Variants in PHACTR2 observed in about 807,000 individuals in gnomAD.
PHACTR2 encodes the protein phosphatase and actin regulator 2, also known as chromosome 6 open reading frame 56.
PHACTR2 carries 30 observed loss-of-function variants against 76.0 expected under a neutral mutation model. The ratio of observed to expected loss-of-function variants is 0.39; its 90% CI spans 0.30 to 0.54. The LOEUF is 0.54. Ranked by LOEUF, PHACTR2 falls within the 20% of genes least tolerant of loss-of-function variation. The pLI, the probability that PHACTR2 is intolerant of heterozygous loss-of-function variation, is 0.61. For missense variants in PHACTR2, 696 were observed against 781.1 expected (o/e 0.89, Z 1.30); for synonymous variants, 292 against 292.5 (o/e 1.00, Z 0.02).
In PHACTR2 at chr6:143,708,716, T is replaced by C. The variant is rs78259753; in HGVS notation, c.47-3300T>C. 6.6e-6 allele frequency among the ~76,000 whole-genome samples: 1 copy of C among 152,370 alleles called. No individual in the cohort carries two copies. Among genetic ancestry groups the C allele is most frequent in the East Asian group, 1.9e-4 (1 of 5,192 alleles). ...AAGCAGATGACAGTGGTCCTCACAT[T>C]CATGATTTAAGAGAAGTACAATGGC... On this transcript the variant is annotated intron_variant, in intron 1 of 12. Coordinates refer to ENST00000440869, the MANE Select transcript of PHACTR2 (RefSeq NM_001100164.2). This position sits in a 1 kb window ranked among gnomAD's most constrained non-coding sequence, Gnocchi z 5.5.
intron 1 of PHACTR2, among the ~76,000 whole-genome samples, chr6:143,704,276 A>G (rs973777444): frequency 6.6e-6 from 1 of 152,210 alleles, no homozygotes; most frequent in Admixed American, 6.5e-5. Flanking sequence ...CATGTGCTAA[A>G]AAGTGTTGAA....
At chr6:143,814,757 T>C (rs928478762) in intron 12 of PHACTR2, among the ~76,000 whole-genome samples, 67 of 151,952 alleles carry the variant, frequency 4.4e-4, no homozygotes, top group African/African-American at 1.6e-3. Context: ...CGCCCACCAC[T>C]ACGCCTGGCT....
In PHACTR2 at chr6:143,765,186, A is replaced by C; in HGVS notation, c.695-75A>C. On this transcript the variant is annotated intron_variant, in intron 5 of 12. Coordinates refer to ENST00000440869, the MANE Select transcript of PHACTR2 (RefSeq NM_001100164.2). The surrounding 1 kb of genome is among the most constrained non-coding windows in gnomAD (Gnocchi z 4.1). ...AGGGAACATTTTAAATGTTGTTGACAGTTACACCTTGGTTACTTTATTTTA... is the reference window on the plus strand; with the variant it reads ...AGGGAACATTTTAAATGTTGTTGACCGTTACACCTTGGTTACTTTATTTTA... 8.9e-7 allele frequency: 1 copy of C among 1,120,014 alleles called. No individual in the cohort carries two copies. The highest frequency in any genetic ancestry group is 1.5e-5 in the South Asian group (1 of 67,192). The allele number at this position is 1,120,014 out of a possible 1,614,324, so 69.4% of individuals were successfully genotyped here. A position where few individuals can be genotyped will look rare whatever the true frequency, so the allele number is the denominator to read the frequency against.
In PHACTR2 at chr6:143,774,351, T is replaced by C. The variant is rs993862758; in HGVS notation, c.1589+136T>C. ...CCTACTGGGTCTTTTAAAGTTGGTC[T>C]TGCATGATGAAACACTCGAAGAACC... On this transcript the variant is annotated intron_variant, in intron 8 of 12. Transcript: ENST00000440869. This position sits in a 1 kb window ranked among gnomAD's most constrained non-coding sequence, Gnocchi z 5.4. The C allele has an allele frequency of 3.2e-5, 19 of 589,836 alleles. No individual in the cohort carries two copies. Among genetic ancestry groups the C allele is most frequent in the Non-Finnish European group, 5.0e-5 (18 of 359,252 alleles). 36.5% of individuals were successfully genotyped at this position (589,836 alleles called of 1,614,324 possible).
At chr6:143,666,033 C>T (rs1027652958) in intron 1 of PHACTR2, among the ~76,000 whole-genome samples, 5 of 149,308 alleles carry the variant, frequency 3.3e-5, no homozygotes, top group African/African-American at 9.9e-5. Context: ...GGCCCCCAAA[C>T]CACCCCCCAA....
At chr6:143,699,315 C>A (rs986500620) in intron 1 of PHACTR2, among the ~76,000 whole-genome samples, 2 of 152,138 alleles carry the variant, frequency 1.3e-5, no homozygotes, top group Non-Finnish European at 2.9e-5. Flanking sequence ...CCCAGGGCTC[C>A]TTCTCCTCAG....
chr6:143,607,760 A>T (rs1204399710), upstream of PHACTR2, among the ~76,000 whole-genome samples: 1 of 152,200 alleles, frequency 6.6e-6, no homozygotes, highest in Non-Finnish European at 1.5e-5. Context: ...TCCTCCCCCA[A>T]CAACAACCAA....
chr6:143,570,638 C>G lies in PHACTR2; in HGVS notation c.217+33431C>G, dbSNP rs1775436035. ...CCCCTCCCCACTCTCCTGGGGCTCT[C>G]CCTCTCCCCGCTTGCTCTCCTTCCC... On this transcript the variant is annotated intron_variant, in intron 1 of 11. Coordinates refer to the PHACTR2 transcript ENST00000367584. The surrounding 1 kb of genome is among the most constrained non-coding windows in gnomAD (Gnocchi z 4.6). Among the ~76,000 whole-genome samples, 5 of 152,130 alleles carry G rather than the reference C, an allele frequency of 3.3e-5. No homozygotes were observed. The highest frequency in any genetic ancestry group is 3.3e-4 in the Admixed American group (5 of 15,284).
At chr6:143,635,711 T>C (rs1031291775) in intron 1 of PHACTR2, among the ~76,000 whole-genome samples, 1 of 152,230 alleles carries the variant, frequency 6.6e-6, no homozygotes, top group Non-Finnish European at 1.5e-5. Flanking sequence ...TCTTAGCTTT[T>C]CCCCATTTTA....
intron 2 of PHACTR2, among the ~76,000 whole-genome samples, chr6:143,747,031 T>C (rs1779082886): frequency 6.6e-6 from 1 of 152,192 alleles, no homozygotes. Flanking sequence ...TTTTGACCAT[T>C]TATTCATTCA....
intron 6 of PHACTR2, among the ~76,000 whole-genome samples, chr6:143,766,257 C>G (rs1265852522): frequency 6.6e-6 from 1 of 152,156 alleles, no homozygotes; most frequent in Non-Finnish European, 1.5e-5. Context: ...TTTCTTGTTC[C>G]TTTAAATTCC....
At chr6:143,626,037 A>C (rs1004721417) in intron 1 of PHACTR2, among the ~76,000 whole-genome samples, 1 of 152,182 alleles carries the variant, frequency 6.6e-6, no homozygotes, top group Non-Finnish European at 1.5e-5. Context: ...AGTTTGGTGC[A>C]GTTTCAGGTG....
Position 143,712,200 on chromosome 6 carries a change from T to G in PHACTR2, c.214+17T>G. On this transcript the variant is annotated intron_variant, in intron 2 of 12. Transcript: ENST00000440869. ...CCTCGGCAGGTATGAGTATCATAAC[T>G]TGTTAGAAGATGGGATAAATTGTAA... The G allele has an allele frequency of 7.2e-7, 1 of 1,393,624 alleles. No homozygotes were observed. Among genetic ancestry groups the G allele is most frequent in the Non-Finnish European group, 9.4e-7 (1 of 1,062,028 alleles). The allele number at this position is 1,393,624 out of a possible 1,614,324, so 86.3% of individuals were successfully genotyped here. A position where few individuals can be genotyped will look rare whatever the true frequency, so the allele number is the denominator to read the frequency against.
chr6:143,718,643 TGGTTGGCAAGGATCAAA>T (rs1196950337), intron 2 of PHACTR2, among the ~76,000 whole-genome samples: 1 of 152,180 alleles, frequency 6.6e-6, no homozygotes, highest in Non-Finnish European at 1.5e-5. Flanking sequence ...TGTAGAAAAA[TGGTTGGCAAGGATCAAA>T]GTTATGTTTG....
rs1483873431 is a variant in PHACTR2, at chr6:143,611,446, C to A, written c.13+3124C>A. Among the ~76,000 whole-genome samples the A allele has an allele frequency of 6.6e-6, 1 of 152,128 alleles. No individual in the cohort carries two copies. The highest frequency in any genetic ancestry group is 1.5e-5 in the Non-Finnish European group (1 of 68,020). On this transcript the variant is annotated intron_variant, in intron 1 of 11. Coordinates refer to the PHACTR2 transcript ENST00000305766. This position sits in a 1 kb window ranked among gnomAD's most constrained non-coding sequence, Gnocchi z 4.4. ...GAGGAAGGGTTTGGAGTGGAGTAGT[C>A]GAGAGCATCAGATAATTTTAGCTGA...
chr6:143,740,638 G>T (rs1778921016), intron 2 of PHACTR2, among the ~76,000 whole-genome samples: 1 of 152,178 alleles, frequency 6.6e-6, no homozygotes, highest in Non-Finnish European at 1.5e-5. Context: ...ATAGTTGGGA[G>T]GCGGGGTGAG....
In PHACTR2 at chr6:143,641,241, T is replaced by A. The variant is rs185237046; in HGVS notation, c.13+32919T>A. On this transcript the variant is annotated intron_variant, in intron 1 of 11. Transcript: ENST00000305766. The surrounding 1 kb of genome is among the most constrained non-coding windows in gnomAD (Gnocchi z 5.8). Reference sequence around the variant, plus strand: ...ATTTAAAGGTCCCACCTCTTAATACTGTGATAATGGCAATGAAGTTTCAAC... The same window carrying A: ...ATTTAAAGGTCCCACCTCTTAATACAGTGATAATGGCAATGAAGTTTCAAC... Among the ~76,000 whole-genome samples, 20 of 152,314 alleles carry A rather than the reference T, an allele frequency of 1.3e-4. No individual in the cohort carries two copies. In the East Asian group the frequency reaches 3.7e-3, roughly 28 times the overall value.
rs990724209 is a variant in PHACTR2, at chr6:143,803,108, A to G, written c.1846-3949A>G. On this transcript the variant is annotated intron_variant, in intron 11 of 12. Coordinates refer to ENST00000440869, the MANE Select transcript of PHACTR2 (RefSeq NM_001100164.2). This position sits in a 1 kb window ranked among gnomAD's most constrained non-coding sequence, Gnocchi z 4.7. Reference sequence around the variant, plus strand: ...TGGAAAGACTGTAGGATGTGAGGTTAAAAGGCTTGTGTATGAGCCCCATGT... The same window carrying G: ...TGGAAAGACTGTAGGATGTGAGGTTGAAAGGCTTGTGTATGAGCCCCATGT... Among the ~76,000 whole-genome samples the G allele has an allele frequency of 1.3e-5, 2 of 152,214 alleles. No homozygotes were observed. Among genetic ancestry groups the G allele is most frequent in the Non-Finnish European group, 2.9e-5 (2 of 68,040 alleles).
rs1363751458 is a variant in PHACTR2, at chr6:143,547,166, A to G, written c.217+9959A>G. On this transcript the variant is annotated intron_variant, in intron 1 of 11. Transcript: ENST00000367584. The surrounding 1 kb of genome is among the most constrained non-coding windows in gnomAD (Gnocchi z 4.2). ...TTCCCATTATAATCTTATTAGGCAA[A>G]ACAGTGTTCAACAAAAGTTTTGTGA... Among the ~76,000 whole-genome samples, 1 of 152,212 alleles carries G rather than the reference A, an allele frequency of 6.6e-6. No individual in the cohort carries two copies. Among genetic ancestry groups the G allele is most frequent in the Non-Finnish European group, 1.5e-5 (1 of 68,040 alleles).
Sources: allele counts gnomAD v4.1 joint callset (sites outside exome capture counted in the v4.1 genomes callset), GRCh38; gene constraint gnomAD v4.1.1; non-coding constraint Gnocchi (gnomAD v3.1); transcripts MANE v1.5; gene names NCBI Gene and HGNC (gene_info 2026-07-23, HGNC 2026-07-21).